AVEN: variants seen among roughly 807,000 people sequenced by gnomAD.
AVEN encodes cell death regulator Aven.
Under a neutral mutation model 38.1 loss-of-function variants are expected in AVEN, and 41 were observed. The observed-to-expected ratio is 1.08, with a 90% confidence interval of 0.84 to 1.40. The LOEUF (loss-of-function observed/expected upper bound fraction) is 1.40. Ranked by LOEUF, AVEN falls within the 40% of genes most tolerant of loss-of-function variation. The pLI is 0.00. For missense variants in AVEN, 605 were observed against 438.8 expected (o/e 1.38, Z -3.38); for synonymous variants, 206 against 171.8 (o/e 1.20, Z -1.56).
intron 2 of AVEN, among the ~76,000 whole-genome samples, chr15:33,999,085 T>C (rs1400321748): frequency 6.6e-6 from 1 of 152,200 alleles, no homozygotes. Context: ...TCCAACCTGT[T>C]CTACCCTAGA....
chr15:33,942,630 T>C (rs1436399747), intron 2 of AVEN, among the ~76,000 whole-genome samples: 1 of 152,090 alleles, frequency 6.6e-6, no homozygotes, highest in African/African-American at 2.4e-5. Context: ...TTTTTGTATT[T>C]TTAGTAGAGA....
chr15:33,921,939 T>C (rs1434456634), intron 2 of AVEN, among the ~76,000 whole-genome samples: 1 of 151,620 alleles, frequency 6.6e-6, no homozygotes, highest in Non-Finnish European at 1.5e-5. Flanking sequence ...GAGCGGAGGG[T>C]GGGGAGGGGT....
intron 4 of AVEN, among the ~76,000 whole-genome samples, chr15:33,868,703 G>T (rs998262727): frequency 3.9e-5 from 6 of 152,116 alleles, no homozygotes; most frequent in Admixed American, 6.6e-5. Context: ...ACTATTTGAT[G>T]ATTGTATTTG....
At chr15:34,060,827 G>A (rs1456789471) in intron 5 of AVEN, among the ~76,000 whole-genome samples, 2 of 152,110 alleles carry the variant, frequency 1.3e-5, no homozygotes, top group Non-Finnish European at 2.9e-5. Flanking sequence ...CCGAGATGGT[G>A]CCACTACACT....
intron 2 of AVEN, among the ~76,000 whole-genome samples, chr15:33,928,381 G>T (rs1224486927): frequency 6.6e-6 from 1 of 152,132 alleles, no homozygotes; most frequent in East Asian, 1.9e-4. Flanking sequence ...CAAGCTAAAA[G>T]AAAGCAAGGG....
At chr15:34,038,156 C>T (rs559641219) in intron 1 of AVEN, among the ~76,000 whole-genome samples, 21 of 152,260 alleles carry the variant, frequency 1.4e-4, no homozygotes, top group Non-Finnish European at 2.6e-4. Flanking sequence ...AAGCCCAGTG[C>T]TCGCTGATTT....
At chr15:33,990,070 G>C (rs192667777) in intron 2 of AVEN, among the ~76,000 whole-genome samples, 6 of 152,064 alleles carry the variant, frequency 3.9e-5, no homozygotes, top group African/African-American at 4.8e-5. Flanking sequence ...CGGGCGTGGT[G>C]GTGGGCGCCT....
rs545860550 is a variant in AVEN, at chr15:33,936,992, A to G, written c.446-60997T>C. Among the ~76,000 whole-genome samples the G allele has an allele frequency of 2.0e-3, 308 of 151,414 alleles. 2 individuals are homozygous for G. Among genetic ancestry groups the G allele is most frequent in the African/African-American group, 6.0e-3 (248 of 41,294 alleles). ...TAAAAATGCAAAAAATTAGCCGGGC[A>G]TGGTGGCGGGCGCCTGTAGTCCCAG... On this transcript the variant is annotated intron_variant, in intron 2 of 5. Coordinates refer to ENST00000306730, the MANE Select transcript of AVEN (RefSeq NM_020371.3).
At chr15:33,860,691 T>C (rs757639106) in intron 11 of AVEN, 8 of 1,418,846 alleles carry the variant, frequency 5.6e-6, no homozygotes, top group Non-Finnish European at 7.8e-6. Context: ...ATCCCAGCTC[T>C]ATTTTAATAT....
At chr15:34,003,248 A>C (rs774949404) in intron 1 of AVEN, 39 bp from the exon 2 acceptor site, 1 of 1,601,694 alleles carries the variant, frequency 6.2e-7, no homozygotes, top group Non-Finnish European at 8.5e-7. Flanking sequence ...TAAGCAGTGG[A>C]AATCCTGACC....
chr15:33,933,719 G>C (rs1055041150), intron 2 of AVEN, among the ~76,000 whole-genome samples: 1 of 152,202 alleles, frequency 6.6e-6, no homozygotes, highest in Non-Finnish European at 1.5e-5. Context: ...AGCACTTTGG[G>C]AGGATGAGGC....
rs117766861 is a variant in AVEN, at chr15:33,964,863, G to A, written c.445+38169C>T. Among the ~76,000 whole-genome samples the A allele has an allele frequency of 7.9e-5, 12 of 152,254 alleles. No homozygotes were observed. In the East Asian group the frequency reaches 2.3e-3, roughly 29 times the overall value. On this transcript the variant is annotated intron_variant, in intron 2 of 5. Transcript: ENST00000306730. ...ATTTTTGTAGAATGTTAGTCATGCT[G>A]GAGAGACGCCACTCTTTCAACATTA...
chr15:33,960,624 A>G (rs2140468776), intron 2 of AVEN, among the ~76,000 whole-genome samples: 1 of 152,360 alleles, frequency 6.6e-6, no homozygotes, highest in African/African-American at 2.4e-5. Flanking sequence ...AGGGGTTCAA[A>G]GAGCACCTAA....
intron 5 of AVEN, among the ~76,000 whole-genome samples, chr15:34,053,437 G>A (rs922344344): frequency 1.3e-5 from 2 of 149,738 alleles, no homozygotes; most frequent in African/African-American, 4.9e-5. Flanking sequence ...TGTACTACAA[G>A]GCTACAGTAA....
chr15:34,074,244 C>G (rs925974412), intron 1 of AVEN, among the ~76,000 whole-genome samples: 2 of 151,648 alleles, frequency 1.3e-5, no homozygotes. Context: ...GTGATCCACC[C>G]GCCTCAGCCT....
intron 5 of AVEN, among the ~76,000 whole-genome samples, chr15:34,052,275 A>G (rs762776756): frequency 6.6e-6 from 1 of 152,224 alleles, no homozygotes; most frequent in Non-Finnish European, 1.5e-5. Context: ...AGATGCAGAA[A>G]AGGCTTTGAA....
intron 2 of AVEN, among the ~76,000 whole-genome samples, chr15:33,939,010 T>A (rs967207382): frequency 1.3e-5 from 2 of 152,044 alleles, no homozygotes; most frequent in Non-Finnish European, 2.9e-5. Context: ...CCCGGCTAAT[T>A]TTTGGTATTT....
intron 1 of AVEN, among the ~76,000 whole-genome samples, chr15:34,008,483 CTTTTTTTTTTTTTTTTTT>C (rs200355232): frequency 8.4e-6 from 1 of 119,232 alleles, no homozygotes; most frequent in Non-Finnish European, 1.6e-5. Context: ...GATGAAAAAC[CTTTTTTTTTTTTTTTTTT>C]TTTTTGAGAC....
chr15:33,894,441 A>G (rs1254485067), intron 2 of AVEN, among the ~76,000 whole-genome samples: 1 of 151,454 alleles, frequency 6.6e-6, no homozygotes, highest in Non-Finnish European at 1.5e-5. Flanking sequence ...ACTGACAGCT[A>G]ATACTAAAAA....
Sources: allele counts gnomAD v4.1 joint callset (sites outside exome capture counted in the v4.1 genomes callset), GRCh38; gene constraint gnomAD v4.1.1; transcripts MANE v1.5; gene names NCBI Gene and HGNC (gene_info 2026-07-23, HGNC 2026-07-21).